The following CENPK variants were observed in gnomAD, a reference collection of about 807,000 sequenced individuals.
CENPK encodes centromere protein K.
A neutral mutation model predicts 40.9 loss-of-function variants in CENPK; 46 were observed. The observed-to-expected ratio is 1.13, with a 90% CI of 0.89 to 1.44. The LOEUF (loss-of-function observed/expected upper bound fraction) is 1.44. CENPK is among the 40% of genes most tolerant of loss of function. The pLI, the probability that CENPK is intolerant of heterozygous loss-of-function variation, is 0.00. For missense variants in CENPK, 288 were observed against 303.5 expected (o/e 0.95, Z 0.38); for synonymous variants, 107 against 104.4 (o/e 1.02, Z -0.15).
intron 6 of CENPK, among the ~76,000 whole-genome samples, chr5:65,540,029 C>T (rs1747677957): frequency 6.6e-6 from 1 of 152,210 alleles, no homozygotes; most frequent in African/African-American, 2.4e-5. Flanking sequence ...TGAACAACAG[C>T]ACCTGGCTTC....
At chr5:65,499,758 G>A in the CENPK span, among the ~76,000 whole-genome samples, 22 of 114,928 alleles carry the variant, frequency 1.9e-4, 1 homozygote, top group South Asian at 4.9e-3. Flanking sequence ...ATGCTGGTGC[G>A]CTGCACCCAC....
intron 10 of CENPK, 133 bp from the exon 11 acceptor site, chr5:65,518,766 T>G: frequency 1.7e-6 from 1 of 575,444 alleles, no homozygotes; most frequent in Non-Finnish European, 2.9e-6. Context: ...TCTACAAATT[T>G]GAATTTCCTT....
At chr5:65,551,249 C>CAAA (rs58442174) in intron 5 of CENPK, 2,509 of 110,528 alleles carry the variant, frequency 0.023, 16 homozygotes, top group South Asian at 0.031. Context: ...GACCCTGTCT[C>CAAA]AAAAAAAAAA....
chr5:65,549,959 G>A (rs890691865), intron 5 of CENPK, among the ~76,000 whole-genome samples: 1 of 152,022 alleles, frequency 6.6e-6, no homozygotes, highest in Non-Finnish European at 1.5e-5. Flanking sequence ...ACGAGGTTAG[G>A]AGATCAAGAC....
the CENPK span, among the ~76,000 whole-genome samples, chr5:65,498,593 CTTTTTTCTTTCTTTTCT>C: frequency 6.0e-5 from 9 of 150,806 alleles, no homozygotes; most frequent in African/African-American, 1.9e-4. Context: ...CCTTCTCTTT[CTTTTTTCTTTCTTTTCT>C]TTTTTTCTTT....
At position 65,546,325 on chromosome 5, in the gene CENPK, T is replaced by C. The variant is rs190677997; in HGVS notation, c.242-3477A>G. On this transcript the variant is annotated intron_variant, in intron 5 of 10. Transcript: ENST00000396679. The stretch of plus-strand genomic sequence containing the variant: ...CCGGCTGTTCTAATTTTAACAAATA[T>C]GCTGTATGTGCAAAATGAAAAAGAA... Among the ~76,000 whole-genome samples, 3 of 125,030 alleles carry C rather than the reference T, an allele frequency of 2.4e-5. No homozygotes were observed. In the East Asian group the frequency reaches 8.0e-4, roughly 33 times the overall value. The allele number at this position is 125,030 out of a possible 152,430, so 82.0% of individuals were successfully genotyped here.
the CENPK span, among the ~76,000 whole-genome samples, chr5:65,511,740 G>A: frequency 6.6e-6 from 1 of 152,168 alleles, no homozygotes; most frequent in Non-Finnish European, 1.5e-5. Context: ...GATCTAGGTT[G>A]CATGCTCCTT....
At chr5:65,546,868 C>T (rs1749082883) in intron 5 of CENPK, among the ~76,000 whole-genome samples, 1 of 152,082 alleles carries the variant, frequency 6.6e-6, no homozygotes, top group African/African-American at 2.4e-5. Flanking sequence ...GTTGTTTAAG[C>T]CACCTAGTCC....
the CENPK span, among the ~76,000 whole-genome samples, chr5:65,495,644 C>G: frequency 6.6e-6 from 1 of 151,856 alleles, no homozygotes; most frequent in Non-Finnish European, 1.5e-5. Flanking sequence ...TTTAATGAGG[C>G]CACAAGAAAA....
At position 65,518,315 on chromosome 5, in the gene CENPK, A is replaced by T; in HGVS notation, c.*160T>A. 1 of 647,428 alleles carries T rather than the reference A, an allele frequency of 1.5e-6. No homozygotes were observed. The highest frequency in any genetic ancestry group is 2.6e-6 in the Non-Finnish European group (1 of 389,880). The allele number at this position is 647,428 out of a possible 1,614,324, so 40.1% of individuals were successfully genotyped here. ...CTCACTGAATAAGAAATGACCATTT[A>T]AAAATGAATAATAGATGGCAGCACA... On this transcript the variant is annotated 3_prime_UTR_variant, in exon 11 of 11. Coordinates refer to ENST00000396679, the MANE Select transcript of CENPK (RefSeq NM_022145.5).
chr5:65,529,119 T>C lies in CENPK; in HGVS notation c.369A>G (p.Glu123=), dbSNP rs909927578. ...SKNEKLKEDL[E]REQRWLDEQQ... Reference sequence around the variant, plus strand: ...TAGTAATTGTAACATAAACAAACCTTTCTAAGTCTTCCTTTAACTTTTCAT... The same window carrying C: ...TAGTAATTGTAACATAAACAAACCTCTCTAAGTCTTCCTTTAACTTTTCAT... Residue 123 remains glutamate, a splice_region_variant and synonymous_variant, in exon 7 of 11, where the codon GAA becomes GAG. Coordinates refer to ENST00000396679, the MANE Select transcript of CENPK (RefSeq NM_022145.5). 1.2e-5 allele frequency: 20 copies of C among 1,600,230 alleles called. No homozygotes were observed. Among genetic ancestry groups the C allele is most frequent in the Non-Finnish European group, 1.6e-5 (19 of 1,168,798 alleles).
chr5:65,501,436 C>T, the CENPK span, among the ~76,000 whole-genome samples: 1 of 152,102 alleles, frequency 6.6e-6, no homozygotes, highest in Non-Finnish European at 1.5e-5. Flanking sequence ...ACCTTGGCCT[C>T]CCAAGATGCT....
At chr5:65,551,088 C>A in intron 5 of CENPK, 2 of 308,952 alleles carry the variant, frequency 6.5e-6, no homozygotes, top group Non-Finnish European at 6.4e-6. Context: ...CAAAAAAATA[C>A]AAAAACCAAC....
intron 5 of CENPK, among the ~76,000 whole-genome samples, chr5:65,548,369 G>A (rs1749384231): frequency 6.6e-6 from 1 of 152,236 alleles, no homozygotes; most frequent in South Asian, 2.1e-4. Context: ...AGCCTTCGGT[G>A]AGTTGTAATG....
chr5:65,557,763 A>G (rs951722046), intron 2 of CENPK, among the ~76,000 whole-genome samples: 3 of 152,216 alleles, frequency 2.0e-5, no homozygotes, highest in Non-Finnish European at 4.4e-5. Flanking sequence ...TTACACCTCT[A>G]CATTCTGGGG....
At chr5:65,507,801 G>C in the CENPK span, among the ~76,000 whole-genome samples, 2 of 152,080 alleles carry the variant, frequency 1.3e-5, no homozygotes, top group Non-Finnish European at 2.9e-5. Flanking sequence ...AACTTATGTA[G>C]GATCCCACCT....
At chr5:65,517,595 G>A (rs1009903621), downstream of CENPK, among the ~76,000 whole-genome samples, 3 of 152,056 alleles carry the variant, frequency 2.0e-5, no homozygotes, top group Non-Finnish European at 4.4e-5. Flanking sequence ...AGTAGAAAGC[G>A]CTTTCAAGTA....
At chr5:65,496,113 C>T in the CENPK span, among the ~76,000 whole-genome samples, 1 of 152,152 alleles carries the variant, frequency 6.6e-6, no homozygotes, top group East Asian at 1.9e-4. Flanking sequence ...AAAAAATTAA[C>T]CAGGCATGGT....
At chr5:65,514,982 A>G (rs551976138), downstream of CENPK, among the ~76,000 whole-genome samples, 1 of 152,060 alleles carries the variant, frequency 6.6e-6, no homozygotes, top group Admixed American at 6.5e-5. Flanking sequence ...ATAAATTTTA[A>G]CTTTTCATTG....
Sources: gnomAD v4.1 joint callset for allele counts (sites outside exome capture counted in the v4.1 genomes callset) on GRCh38, gnomAD v4.1.1 for gene constraint, MANE v1.5 for transcripts, NCBI Gene and HGNC (gene_info 2026-07-23, HGNC 2026-07-21) for gene names.